Variants in CDK14 observed in about 807,000 individuals in gnomAD.
CDK14 encodes the protein cyclin dependent kinase 14.
In CDK14, 34 loss-of-function variants were observed where a neutral mutation model predicts 60.7. The ratio of observed to expected loss-of-function variants is 0.56; its 90% CI spans 0.43 to 0.75. CDK14 has a LOEUF of 0.75. Among genes scored for constraint, CDK14 ranks in the 30% least tolerant of loss-of-function variants. CDK14 has a pLI of 0.00. For synonymous variants in CDK14, 197 were observed against 203.7 expected (o/e 0.97, Z 0.28); for missense variants, 482 against 564.1 (o/e 0.85, Z 1.47).
chr7:91,148,037 A>C (rs1340617014), intron 14 of CDK14, among the ~76,000 whole-genome samples: 1 of 152,172 alleles, frequency 6.6e-6, no homozygotes, highest in Admixed American at 6.5e-5. Flanking sequence ...AGTATGTTTG[A>C]ATAAAATTAA....
At chr7:91,185,474 C>T (rs1164071699) in intron 14 of CDK14, among the ~76,000 whole-genome samples, 2 of 152,052 alleles carry the variant, frequency 1.3e-5, no homozygotes, top group Non-Finnish European at 2.9e-5. Context: ...CTCATAATCT[C>T]ACTTACCATA....
intron 4 of CDK14, among the ~76,000 whole-genome samples, chr7:90,774,095 G>A (rs1804915948): frequency 6.6e-6 from 1 of 151,738 alleles, no homozygotes; most frequent in African/African-American, 2.4e-5. Context: ...GTAGAGATGG[G>A]GTTTCACCAT....
chr7:90,737,154 A>G (rs1297009598), intron 3 of CDK14, among the ~76,000 whole-genome samples: 2 of 152,194 alleles, frequency 1.3e-5, no homozygotes, highest in African/African-American at 4.8e-5. Context: ...CACCTCCTCT[A>G]ACCCAGCTGT....
intron 8 of CDK14, among the ~76,000 whole-genome samples, chr7:90,922,653 TCA>T (rs1200598815): frequency 1.3e-5 from 2 of 152,206 alleles, no homozygotes; most frequent in African/African-American, 4.8e-5. Context: ...TCTTGAAACA[TCA>T]GTTACCTTAA....
intron 8 of CDK14, among the ~76,000 whole-genome samples, chr7:90,920,871 A>G (rs932336923): frequency 6.6e-5 from 10 of 152,190 alleles, no homozygotes; most frequent in Non-Finnish European, 1.3e-4. Flanking sequence ...ATGATAGTGA[A>G]TTTGGAGACC....
At chr7:90,772,704 A>G (rs1348812641) in intron 4 of CDK14, among the ~76,000 whole-genome samples, 1 of 152,190 alleles carries the variant, frequency 6.6e-6, no homozygotes, top group Non-Finnish European at 1.5e-5. Context: ...AGCCTGTGGA[A>G]CTGTGAGTCA....
At chr7:90,700,236 G>A (rs555470567) in intron 2 of CDK14, among the ~76,000 whole-genome samples, 31 of 152,202 alleles carry the variant, frequency 2.0e-4, no homozygotes, top group Admixed American at 1.6e-3. Context: ...TGGGATTTTA[G>A]GCATGCACCA....
chr7:91,202,090 G>A (rs538228463), intron 14 of CDK14, among the ~76,000 whole-genome samples: 3 of 152,186 alleles, frequency 2.0e-5, no homozygotes, highest in African/African-American at 4.8e-5. Context: ...CCTGCACAGC[G>A]GGACTGCTCA....
intron 10 of CDK14, among the ~76,000 whole-genome samples, chr7:91,024,193 A>G (rs987697413): frequency 2.0e-5 from 3 of 152,220 alleles, no homozygotes; most frequent in African/African-American, 7.2e-5. Flanking sequence ...ACTATATGTT[A>G]TAATGGTATT....
intron 11 of CDK14, among the ~76,000 whole-genome samples, chr7:91,053,548 C>G (rs1797452878): frequency 1.3e-5 from 2 of 152,192 alleles, no homozygotes; most frequent in African/African-American, 4.8e-5. Flanking sequence ...TGGGCATATT[C>G]TTCCGCCCTT....
At chr7:91,006,328 G>C (rs1053861045) in intron 10 of CDK14, among the ~76,000 whole-genome samples, 3 of 152,110 alleles carry the variant, frequency 2.0e-5, no homozygotes, top group Non-Finnish European at 4.4e-5. Context: ...CTGCTATATA[G>C]GCTGCATTTT....
intron 3 of CDK14, among the ~76,000 whole-genome samples, chr7:90,742,418 C>A (rs1803383422): frequency 6.6e-6 from 1 of 151,946 alleles, no homozygotes; most frequent in African/African-American, 2.4e-5. Flanking sequence ...CGTTCTTAAA[C>A]TGAGTTATGT....
At chr7:90,736,768 G>A (rs552748606) in intron 3 of CDK14, among the ~76,000 whole-genome samples, 2 of 152,188 alleles carry the variant, frequency 1.3e-5, no homozygotes, top group East Asian at 3.9e-4. Flanking sequence ...ATTGTTTTTT[G>A]GAAATACTGT....
In CDK14 at chr7:90,693,140, A is replaced by G. The variant is rs1801589682; in HGVS notation, c.124-33427A>G. On this transcript the variant is annotated intron_variant, in intron 2 of 14. Coordinates refer to ENST00000380050, the MANE Select transcript of CDK14 (RefSeq NM_001287135.2). ...ATTTTATACATATTTGCTTTTTTCCATTTTGAAGTGGTTGCTCTGTGTATT... is the reference window on the plus strand; with the variant it reads ...ATTTTATACATATTTGCTTTTTTCCGTTTTGAAGTGGTTGCTCTGTGTATT... Among the ~76,000 whole-genome samples the G allele has an allele frequency of 4.6e-5, 7 of 152,218 alleles. No individual in the cohort carries two copies. The South Asian group carries it at 1.5e-3, about 32-fold the overall frequency.
intron 7 of CDK14, 37 bp downstream of exon 7, chr7:90,899,390 C>A: frequency 7.4e-6 from 11 of 1,486,518 alleles, no homozygotes; most frequent in Non-Finnish European, 1.0e-5. Flanking sequence ...GGTTAGCATT[C>A]TTGATGTGTA....
At chr7:90,914,290 A>G (rs1047859028) in intron 7 of CDK14, among the ~76,000 whole-genome samples, 14 of 152,166 alleles carry the variant, frequency 9.2e-5, no homozygotes, top group African/African-American at 3.4e-4. Context: ...TGTAACAGCC[A>G]AATCAATTCT....
intron 7 of CDK14, among the ~76,000 whole-genome samples, chr7:90,913,930 C>G (rs776887839): frequency 2.0e-4 from 30 of 152,128 alleles, no homozygotes; most frequent in Admixed American, 3.3e-4. Flanking sequence ...GACCTTCAAG[C>G]TTCTTCAGTT....
At chr7:90,878,224 T>C (rs1395024564) in intron 6 of CDK14, among the ~76,000 whole-genome samples, 1 of 152,094 alleles carries the variant, frequency 6.6e-6, no homozygotes, top group Non-Finnish European at 1.5e-5. Context: ...AAGGAGGACT[T>C]ACTACAGGAA....
intron 14 of CDK14, among the ~76,000 whole-genome samples, chr7:91,138,565 A>G (rs2115594731): frequency 6.6e-6 from 1 of 152,290 alleles, no homozygotes; most frequent in South Asian, 2.1e-4. Context: ...CTTTCTGCAA[A>G]TATATATTTG....
Sources: allele counts gnomAD v4.1 joint callset (sites outside exome capture counted in the v4.1 genomes callset), GRCh38; gene constraint gnomAD v4.1.1; transcripts MANE v1.5; gene names NCBI Gene and HGNC (gene_info 2026-07-23, HGNC 2026-07-21).